ZGLP1: variants seen among roughly 807,000 people sequenced by gnomAD.
ZGLP1 encodes the protein zinc finger GATA like protein 1.
In ZGLP1, 11 loss-of-function variants were observed where a neutral mutation model predicts 21.4. The observed-to-expected ratio is 0.51, with a 90% CI of 0.32 to 0.85. ZGLP1 has a LOEUF of 0.85. ZGLP1 is among the 40% of genes least tolerant of loss of function. The pLI, the probability that ZGLP1 is intolerant of heterozygous loss-of-function variation, is 0.03. For missense variants in ZGLP1, 295 were observed against 355.6 expected (o/e 0.83, Z 1.37); for synonymous variants, 148 against 145.0 (o/e 1.02, Z -0.15).
At chr19:10,306,056 G>C (rs1344878873) in intron 1 of ZGLP1, 104 bp from the exon 3 acceptor site, 1 of 684,040 alleles carries the variant, frequency 1.5e-6, no homozygotes, top group Admixed American at 3.3e-5. Flanking sequence ...ATCCCCCGAG[G>C]AGGCAACTAA....
rs200520201 is a variant in ZGLP1 at position 10,305,179 on chromosome 19, C to T, written c.728G>A (p.Ser243Asn). 77 of 1,613,906 alleles carry T rather than the reference C, an allele frequency of 4.8e-5. No homozygotes were observed. Among genetic ancestry groups the T allele is most frequent in the Non-Finnish European group, 5.4e-5 (64 of 1,179,916 alleles). ...ATTTTTCCTGGGCACCAGCCAGCAG[C>T]TGGAGCAGCGAGTGCCGTATTTCTT... Residue 243 changes from serine to asparagine, a missense_variant, in exon 4 of 4, where the codon AGC (serine) becomes AAC (asparagine). Coordinates refer to ENST00000403903, the Ensembl canonical transcript of ZGLP1. The surrounding 1 kb of genome is among the most constrained non-coding windows in gnomAD (Gnocchi z 4.7).
At chr19:10,308,700 G>A in exon 1 of ZGLP1, 1 of 1,477,686 alleles carries the variant, frequency 6.8e-7, no homozygotes, top group East Asian at 2.3e-5. Flanking sequence ...CTGGGTGGAA[G>A]GTTTAAGAGT....
At chr19:10,306,015 G>A (rs559184369) in intron 1 of ZGLP1, 63 bp from the exon 3 acceptor site, 102 of 1,231,676 alleles carry the variant, frequency 8.3e-5, no homozygotes, top group African/African-American at 6.2e-4. Flanking sequence ...ACAGCCCTCC[G>A]AAATGAAGAT....
Position 10,305,349 on chromosome 19 carries a change from T to G in ZGLP1, c.698+41A>C, listed in dbSNP as rs745724903. The G allele has an allele frequency of 2.7e-5, 42 of 1,559,264 alleles. No homozygotes were observed. The highest frequency in any genetic ancestry group is 3.6e-5 in the Non-Finnish European group (41 of 1,147,654). On this transcript the variant is annotated intron_variant, in intron 3 of 3. Coordinates refer to ENST00000403903, the Ensembl canonical transcript of ZGLP1. This position sits in a 1 kb window ranked among gnomAD's most constrained non-coding sequence, Gnocchi z 4.7. ...CCATCCTGGTTACACGTGGACTGAT[T>G]TGGGGACCCCCGCCCCAACTCCCTC...
At chr19:10,307,563 G>A (rs1173857939) in intron 1 of ZGLP1, among the ~76,000 whole-genome samples, 1 of 148,190 alleles carries the variant, frequency 6.7e-6, no homozygotes, top group African/African-American at 2.5e-5. Flanking sequence ...GGCTCAGGCT[G>A]GAGTGAGGTG....
chr19:10,307,161 G>A (rs927199077), intron 1 of ZGLP1, among the ~76,000 whole-genome samples: 3 of 151,464 alleles, frequency 2.0e-5, no homozygotes, highest in Non-Finnish European at 4.4e-5. Context: ...TTGTTTTGGC[G>A]GCATGATTAA....
exon 4 of ZGLP1, chr19:10,304,963 G>C: frequency 1.4e-6 from 1 of 731,954 alleles, no homozygotes; most frequent in South Asian, 1.9e-5. Flanking sequence ...CGGGATCCTT[G>C]AATCTGGAGA....
At chr19:10,308,009 A>C (rs1272614620) in intron 1 of ZGLP1, among the ~76,000 whole-genome samples, 176 bp downstream of exon 2, 1 of 152,254 alleles carries the variant, frequency 6.6e-6, no homozygotes, top group Admixed American at 6.5e-5. Flanking sequence ...CCACTGAGTC[A>C]GGAGCGGCAG....
Position 10,305,009 on chromosome 19 carries a change from C to T in ZGLP1, c.*82G>A, listed in dbSNP as rs2040271260. On this transcript the variant is annotated 3_prime_UTR_variant, in exon 4 of 4. Transcript: ENST00000403903. The surrounding 1 kb of genome is among the most constrained non-coding windows in gnomAD (Gnocchi z 4.7). The stretch of plus-strand genomic sequence containing the variant: ...GAGGCAGGCCGGCTCTTTCCCCAAT[C>T]CTCCTAGGAGAGCTGCTTCTGCCCA... The T allele has an allele frequency of 9.1e-7, 1 of 1,101,716 alleles. No individual in the cohort carries two copies. The highest frequency in any genetic ancestry group is 1.4e-5 in the South Asian group (1 of 73,374). 68.2% of individuals were successfully genotyped at this position (1,101,716 alleles called of 1,614,324 possible). A position where few individuals can be genotyped will look rare whatever the true frequency, so the allele number is the denominator to read the frequency against.
chr19:10,305,610 G>C lies in ZGLP1; in HGVS notation c.605-127C>G. The C allele has an allele frequency of 1.2e-6, 1 of 862,626 alleles. No homozygotes were observed. The highest frequency in any genetic ancestry group is 1.6e-5 in the South Asian group (1 of 64,074). 53.4% of individuals were successfully genotyped at this position (862,626 alleles called of 1,614,324 possible). ...CCACCTAGCTCTGGATCAGCCCTGG[G>C]AGTTGCCAGCTCTAAGCCACAGCAA... On this transcript the variant is annotated intron_variant, in intron 2 of 3. Coordinates refer to ENST00000403903, the Ensembl canonical transcript of ZGLP1. The surrounding 1 kb of genome is among the most constrained non-coding windows in gnomAD (Gnocchi z 4.7).
chr19:10,305,633 C>G lies in ZGLP1; in HGVS notation c.605-150G>C. ...GGGAGTTGCCAGCTCTAAGCCACAG[C>G]AAAGCCAGGAAGGGAGACAGATGGC... On this transcript the variant is annotated intron_variant, in intron 2 of 3. Coordinates refer to ENST00000403903, the Ensembl canonical transcript of ZGLP1. The surrounding 1 kb of genome is among the most constrained non-coding windows in gnomAD (Gnocchi z 4.7). The G allele has an allele frequency of 1.3e-6, 1 of 780,874 alleles. No individual in the cohort carries two copies. The highest frequency in any genetic ancestry group is 1.7e-5 in the African/African-American group (1 of 58,294). The allele number at this position is 780,874 out of a possible 1,614,324, so 48.4% of individuals were successfully genotyped here.
At position 10,305,288 on chromosome 19, in the gene ZGLP1, A is replaced by G; in HGVS notation, c.699-80T>C. ...CGCCACAAGGAAACCACTTTTCCCA[A>G]GAGGTAGGTGTTTTGCTTTTTGCTT... On this transcript the variant is annotated intron_variant, in intron 3 of 3. Transcript: ENST00000403903. This position sits in a 1 kb window ranked among gnomAD's most constrained non-coding sequence, Gnocchi z 4.7. The G allele has an allele frequency of 6.4e-7, 1 of 1,567,758 alleles. No individual in the cohort carries two copies. Among genetic ancestry groups the G allele is most frequent in the Admixed American group, 1.8e-5 (1 of 56,946 alleles).
exon 1 of ZGLP1, chr19:10,308,628 C>T (rs772232952): frequency 2.0e-6 from 3 of 1,529,360 alleles, no homozygotes; most frequent in South Asian, 1.3e-5. Context: ...CAACTTGGGC[C>T]GGCTCTTTGT....
rs2040273372 is a variant in ZGLP1 at position 10,305,360 on chromosome 19, CG to C, written c.698+29del. The C allele has an allele frequency of 6.4e-7, 1 of 1,564,532 alleles. No homozygotes were observed. The highest frequency in any genetic ancestry group is 8.7e-7 in the Non-Finnish European group (1 of 1,151,896). On this transcript the variant is annotated intron_variant, in intron 3 of 3. Coordinates refer to ENST00000403903, the Ensembl canonical transcript of ZGLP1. This position sits in a 1 kb window ranked among gnomAD's most constrained non-coding sequence, Gnocchi z 4.7. ...ACACGTGGACTGATTTGGGGACCCC[CG>C]CCCCAACTCCCTCCTCCATTCTAAG...
At chr19:10,306,951 T>C (rs977839606) in intron 1 of ZGLP1, among the ~76,000 whole-genome samples, 10 of 151,806 alleles carry the variant, frequency 6.6e-5, no homozygotes, top group South Asian at 2.1e-4. Flanking sequence ...CCGGCCAACA[T>C]GGCAAAACCC....
Position 10,305,889 on chromosome 19 carries a change from G to T in ZGLP1, c.561C>A (p.His187Gln). 1 of 1,564,198 alleles carries T rather than the reference G, an allele frequency of 6.4e-7. No individual in the cohort carries two copies. ...CTGAGTGGGCCTCGGTGCCTCCTGG[G>T]TGGGCTGCAGGGCCCCCAACAGCAT... is the stretch of plus-strand genomic sequence containing the variant. Residue 187 changes from histidine to glutamine, a missense_variant, in exon 2 of 4, where the codon CAC becomes CAA. His to Gln is a conservative substitution (Grantham distance 24). Coordinates refer to ENST00000403903, the Ensembl canonical transcript of ZGLP1. The surrounding 1 kb of genome is among the most constrained non-coding windows in gnomAD (Gnocchi z 4.7).
chr19:10,308,329 G>A, exon 1 of ZGLP1: 1 of 1,610,904 alleles, frequency 6.2e-7, no homozygotes, highest in Non-Finnish European at 8.5e-7. Context: ...GGCCGAGGGA[G>A]TCCCCGGGGG....
chr19:10,305,622 C>G lies in ZGLP1; in HGVS notation c.605-139G>C. On this transcript the variant is annotated intron_variant, in intron 2 of 3. Coordinates refer to ENST00000403903, the Ensembl canonical transcript of ZGLP1. This position sits in a 1 kb window ranked among gnomAD's most constrained non-coding sequence, Gnocchi z 4.7. ...GGATCAGCCCTGGGAGTTGCCAGCT[C>G]TAAGCCACAGCAAAGCCAGGAAGGG... The G allele has an allele frequency of 2.5e-6, 2 of 809,746 alleles. No individual in the cohort carries two copies. Among genetic ancestry groups the G allele is most frequent in the South Asian group, 1.6e-5 (1 of 61,912 alleles). 50.2% of individuals were successfully genotyped at this position (809,746 alleles called of 1,614,324 possible).
chr19:10,308,750 C>A, exon 1 of ZGLP1: 3 of 1,365,306 alleles, frequency 2.2e-6, no homozygotes, highest in Admixed American at 2.8e-5. Flanking sequence ...GTGGGCCTCC[C>A]AGGCACGCCC....
Sources: gnomAD v4.1 joint callset for allele counts (sites outside exome capture counted in the v4.1 genomes callset) on GRCh38, gnomAD v4.1.1 for gene constraint, Gnocchi (gnomAD v3.1) non-coding constraint, MANE v1.5 for transcripts, NCBI Gene and HGNC (gene_info 2026-07-23, HGNC 2026-07-21) for gene names.